Variants in CCNY observed in about 807,000 individuals in gnomAD.
The protein encoded by CCNY is cyclin Y, also known as cyclin-Y.
CCNY carries 19 observed loss-of-function variants against 42.8 expected under a neutral mutation model. The observed-to-expected ratio is 0.44, with a 90% confidence interval of 0.31 to 0.65. The LOEUF is 0.65. Among genes scored for constraint, CCNY ranks in the 30% least tolerant of loss-of-function variants. The pLI, the probability that CCNY is intolerant of heterozygous loss-of-function variation, is 0.07. For synonymous variants in CCNY, 165 were observed against 162.7 expected (o/e 1.01, Z -0.11); for missense variants, 370 against 437.3 (o/e 0.85, Z 1.37).
At chr10:35,481,183 T>C (rs904664234) in intron 1 of CCNY, among the ~76,000 whole-genome samples, 5 of 152,270 alleles carry the variant, frequency 3.3e-5, no homozygotes, top group African/African-American at 9.6e-5. Context: ...CATGTGATTT[T>C]TAGATGGTAT....
chr10:35,569,091 TAAG>T lies in CCNY; in HGVS notation c.952_954del (p.Arg318del). On this transcript the variant is annotated inframe_deletion, in exon 10 of 10. Coordinates refer to ENST00000374704, the MANE Select transcript of CCNY (RefSeq NM_145012.6). The stretch of plus-strand genomic sequence containing the variant: ...CTCTGCGAGGACAAGTACAAGGACC[TAAG>T]AAGATCCGCGAGGAAGCGCTCAGCC... 6.2e-7 allele frequency: 1 copy of T among 1,613,308 alleles called. No individual in the cohort carries two copies.
chr10:35,305,724 G>A (rs1344756376), intron 3 of CCNY, among the ~76,000 whole-genome samples: 1 of 152,162 alleles, frequency 6.6e-6, no homozygotes, highest in East Asian at 1.9e-4. Flanking sequence ...GGATACTTCT[G>A]GGTAGATGTC....
rs189769733 is a variant in CCNY, at chr10:35,440,126, C to T, written c.155-43278C>T. ...GGACTGGAGCCACAGTCGTTTTTGGCGCCTGTGGAGTAGAGTGGTTATTAT... is the reference window on the plus strand; with the variant it reads ...GGACTGGAGCCACAGTCGTTTTTGGTGCCTGTGGAGTAGAGTGGTTATTAT... On this transcript the variant is annotated intron_variant, in intron 1 of 9. Coordinates refer to ENST00000374704, the MANE Select transcript of CCNY (RefSeq NM_145012.6). Among the ~76,000 whole-genome samples the T allele has an allele frequency of 1.1e-3, 161 of 151,934 alleles. 1 individual carries two copies. The highest frequency in any genetic ancestry group is 1.6e-3 in the Non-Finnish European group (110 of 67,960).
intron 3 of CCNY, among the ~76,000 whole-genome samples, chr10:35,513,818 G>A (rs1460992556): frequency 6.6e-6 from 1 of 152,186 alleles, no homozygotes; most frequent in African/African-American, 2.4e-5. Flanking sequence ...GAGGGTCTGT[G>A]TGTGCATGTG....
At chr10:35,371,026 C>CT (rs1441803548) in intron 1 of CCNY, among the ~76,000 whole-genome samples, 20 of 152,320 alleles carry the variant, frequency 1.3e-4, no homozygotes, top group Admixed American at 1.3e-3. Flanking sequence ...GGTTAAAACT[C>CT]TTAAAACTTG....
At chr10:35,376,740 T>G (rs1463051390) in intron 1 of CCNY, among the ~76,000 whole-genome samples, 1 of 152,208 alleles carries the variant, frequency 6.6e-6, no homozygotes, top group Non-Finnish European at 1.5e-5. Flanking sequence ...TAATGATACC[T>G]GATACAACAT....
In CCNY at chr10:35,348,886, G is replaced by GT. The variant is rs879355356; in HGVS notation, c.154+11691dup. On this transcript the variant is annotated intron_variant, in intron 1 of 9. Transcript: ENST00000374704. ...AAACAGTTGTTGAAATCTAAGTTGG[G>GT]TTTTTTTTTTTTGAAAATGAACCTT... 9.2e-3 allele frequency among the ~76,000 whole-genome samples: 1,331 copies of GT among 143,952 alleles called. 14 individuals are homozygous for GT. Among genetic ancestry groups the GT allele is most frequent in the African/African-American group, 0.027 (1,069 of 39,400 alleles). 94.4% of individuals were successfully genotyped at this position (143,952 alleles called of 152,430 possible). A position where few individuals can be genotyped will look rare whatever the true frequency, so the allele number is the denominator to read the frequency against.
chr10:35,535,100 C>T (rs1269859577), intron 7 of CCNY, among the ~76,000 whole-genome samples: 4 of 149,712 alleles, frequency 2.7e-5, no homozygotes, highest in Non-Finnish European at 5.9e-5. Context: ...GGAGGATGAA[C>T]GTGAGAATAA....
intron 1 of CCNY, among the ~76,000 whole-genome samples, chr10:35,339,506 T>C: frequency 6.6e-6 from 1 of 152,220 alleles, no homozygotes; most frequent in Non-Finnish European, 1.5e-5. Flanking sequence ...TTATATTGAT[T>C]GTTAGGTTAT....
At chr10:35,309,071 G>T (rs536376553) in intron 3 of CCNY, among the ~76,000 whole-genome samples, 1 of 152,180 alleles carries the variant, frequency 6.6e-6, no homozygotes, top group African/African-American at 2.4e-5. Context: ...GACAGACAGA[G>T]ACTGGGGTAT....
intron 1 of CCNY, among the ~76,000 whole-genome samples, chr10:35,403,992 C>T (rs192884066): frequency 2.3e-4 from 35 of 152,228 alleles, no homozygotes; most frequent in Admixed American, 6.5e-4. Flanking sequence ...GTGTGGTATC[C>T]GGAATAATGT....
chr10:35,391,401 A>G (rs546938930), intron 1 of CCNY, among the ~76,000 whole-genome samples: 1 of 152,310 alleles, frequency 6.6e-6, no homozygotes, highest in East Asian at 1.9e-4. Context: ...CAAGTGACCA[A>G]GGGTGACTCA....
intron 1 of CCNY, among the ~76,000 whole-genome samples, chr10:35,420,694 G>A (rs1240854493): frequency 6.6e-6 from 1 of 152,100 alleles, no homozygotes; most frequent in Non-Finnish European, 1.5e-5. Flanking sequence ...TAAAAAGTAG[G>A]GACTGAATAT....
chr10:35,565,897 A>T, intron 8 of CCNY, 126 bp from the exon 9 acceptor site: 1 of 915,586 alleles, frequency 1.1e-6, no homozygotes. Flanking sequence ...CCAGACATTT[A>T]CTTAGATCAC....
chr10:35,260,119 G>T (rs1169217936), intron 3 of CCNY, among the ~76,000 whole-genome samples: 1 of 151,892 alleles, frequency 6.6e-6, no homozygotes, highest in African/African-American at 2.4e-5. Context: ...TTCTTTTCCG[G>T]TGCTCTCTTT....
intron 1 of CCNY, among the ~76,000 whole-genome samples, chr10:35,421,692 G>C (rs1838162356): frequency 6.6e-6 from 1 of 152,084 alleles, no homozygotes; most frequent in Non-Finnish European, 1.5e-5. Context: ...TTCTTGAGCT[G>C]AGTCACTTGT....
At chr10:35,438,463 C>T (rs1471441585) in intron 1 of CCNY, among the ~76,000 whole-genome samples, 1 of 152,112 alleles carries the variant, frequency 6.6e-6, no homozygotes, top group Non-Finnish European at 1.5e-5. Context: ...GCCTAACCAT[C>T]TTTTTAAGAG....
chr10:35,485,724 C>CAAAAAAAA (rs60570748), intron 2 of CCNY, among the ~76,000 whole-genome samples: 58 of 97,772 alleles, frequency 5.9e-4, no homozygotes, highest in African/African-American at 2.0e-3. Flanking sequence ...GACTCCGTCT[C>CAAAAAAAA]AAAAAAAAAA....
rs1053858472 is a variant in CCNY, at chr10:35,402,519, A to G, written c.154+65312A>G. 7.9e-5 allele frequency among the ~76,000 whole-genome samples: 12 copies of G among 152,284 alleles called. 1 individual carries two copies. The South Asian group carries it at 2.1e-3, about 26-fold the overall frequency. Reference sequence around the variant, plus strand: ...CAACAGTCTTCATTTAAAAATATAGAGAGTCCTCTTTTTTTAGCAGTGAGT... The same window carrying G: ...CAACAGTCTTCATTTAAAAATATAGGGAGTCCTCTTTTTTTAGCAGTGAGT... On this transcript the variant is annotated intron_variant, in intron 1 of 9. Transcript: ENST00000374704.
Sources: gnomAD v4.1 joint callset for allele counts (sites outside exome capture counted in the v4.1 genomes callset) on GRCh38, gnomAD v4.1.1 for gene constraint, MANE v1.5 for transcripts, NCBI Gene and HGNC (gene_info 2026-07-23, HGNC 2026-07-21) for gene names.